LRP1B: variants seen among roughly 807,000 people sequenced by gnomAD.
LRP1B encodes the protein LDL receptor related protein 1B.
A neutral mutation model predicts 556.6 loss-of-function variants in LRP1B; 217 were observed. The observed-to-expected ratio is 0.39, with a 90% CI of 0.35 to 0.44. LRP1B has a LOEUF of 0.44. LRP1B is among the 20% of genes least tolerant of loss of function. The probability of loss-of-function intolerance (pLI) is 1.00; values close to 1 mark genes in which losing one functional copy is unlikely to be tolerated. For synonymous variants in LRP1B, 2,047 were observed against 1,865.8 expected (o/e 1.10, Z -2.50); for missense variants, 5,053 against 5,620.8 (o/e 0.90, Z 3.23).
At chr2:141,296,103 GT>G (rs1558988327) in intron 3 of LRP1B, among the ~76,000 whole-genome samples, 2 of 152,068 alleles carry the variant, frequency 1.3e-5, no homozygotes, top group Non-Finnish European at 2.9e-5. Flanking sequence ...AAGGAGCAAA[GT>G]CTGGCCTTTA....
intron 2 of LRP1B, among the ~76,000 whole-genome samples, chr2:141,547,614 C>G (rs927744632): frequency 6.6e-6 from 1 of 152,098 alleles, no homozygotes; most frequent in African/African-American, 2.4e-5. Context: ...AACTACTGAG[C>G]ATTTTTCAAG....
chr2:141,596,030 A>C (rs1305429156), intron 2 of LRP1B, among the ~76,000 whole-genome samples: 1 of 152,038 alleles, frequency 6.6e-6, no homozygotes, highest in East Asian at 1.9e-4. Context: ...TACATATACC[A>C]TTATAAAATT....
intron 43 of LRP1B, among the ~76,000 whole-genome samples, chr2:140,593,456 A>T (rs1478177259): frequency 3.9e-5 from 6 of 152,210 alleles, no homozygotes; most frequent in African/African-American, 1.4e-4. Context: ...TAGATACAAA[A>T]CAGAAAAAAT....
intron 2 of LRP1B, among the ~76,000 whole-genome samples, chr2:141,564,199 C>A (rs897760332): frequency 2.6e-5 from 4 of 151,944 alleles, no homozygotes; most frequent in African/African-American, 7.2e-5. Flanking sequence ...ATAATCAGAA[C>A]CTTTAAATGT....
chr2:141,527,656 G>A (rs1181437412), intron 2 of LRP1B, among the ~76,000 whole-genome samples: 1 of 152,048 alleles, frequency 6.6e-6, no homozygotes, highest in Non-Finnish European at 1.5e-5. Context: ...AATGAATGGT[G>A]TGTTTTTACT....
intron 7 of LRP1B, among the ~76,000 whole-genome samples, chr2:141,154,687 C>T (rs1190885601): frequency 2.6e-5 from 4 of 151,746 alleles, no homozygotes. Flanking sequence ...TTCAACACTC[C>T]ATTATTATCT....
intron 39 of LRP1B, 94 bp downstream of exon 39, chr2:140,702,047 G>T (rs2105427524): frequency 1.4e-6 from 2 of 1,448,984 alleles, no homozygotes; most frequent in Non-Finnish European, 1.9e-6. Context: ...TCCTTTTTGT[G>T]ACCTTGCTAA....
At chr2:140,848,558 C>T (rs768719338) in intron 29 of LRP1B, among the ~76,000 whole-genome samples, 2 of 152,182 alleles carry the variant, frequency 1.3e-5, no homozygotes, top group Non-Finnish European at 2.9e-5. Context: ...CTATTGCCTT[C>T]ATTATGACAT....
intron 2 of LRP1B, among the ~76,000 whole-genome samples, chr2:141,628,630 T>A (rs902917432): frequency 3.3e-5 from 5 of 152,032 alleles, no homozygotes; most frequent in African/African-American, 1.2e-4. Context: ...GAAGCTATAA[T>A]AAGTTTCTGT....
intron 7 of LRP1B, among the ~76,000 whole-genome samples, chr2:141,087,546 T>G (rs2104901118): frequency 6.6e-6 from 1 of 152,260 alleles, no homozygotes; most frequent in East Asian, 1.9e-4. Context: ...CAATGTACAA[T>G]AAGCAAAAGC....
At chr2:141,383,288 G>T (rs59480668) in intron 3 of LRP1B, among the ~76,000 whole-genome samples, 1 of 151,928 alleles carries the variant, frequency 6.6e-6, no homozygotes, top group African/African-American at 2.4e-5. Context: ...AACTATAATG[G>T]AAAACAGTAT....
chr2:141,850,896 T>A (rs1322464955), intron 1 of LRP1B, among the ~76,000 whole-genome samples: 2 of 151,720 alleles, frequency 1.3e-5, no homozygotes, highest in African/African-American at 2.4e-5. Context: ...CTACAGATGC[T>A]GACATTAAAC....
rs115985491 is a variant in LRP1B, at chr2:141,481,073, T to C, written c.206-540A>G. On this transcript the variant is annotated intron_variant, in intron 2 of 90. Transcript: ENST00000389484. ...TATAAATGTATTTATGTATGACTTC[T>C]ATTGTTTAAAAATCTTTTACTGAGC... 4.7e-4 allele frequency among the ~76,000 whole-genome samples: 71 copies of C among 152,318 alleles called. 1 individual carries two copies. The highest frequency in any genetic ancestry group is 1.6e-3 in the African/African-American group (66 of 41,590).
At chr2:142,058,044 T>A (rs546487866) in intron 1 of LRP1B, among the ~76,000 whole-genome samples, 2 of 152,250 alleles carry the variant, frequency 1.3e-5, no homozygotes, top group Admixed American at 1.3e-4. Flanking sequence ...ACACAAGGTG[T>A]CTCACATGCA....
chr2:141,999,764 GA>G (rs915035081), intron 1 of LRP1B, among the ~76,000 whole-genome samples: 1 of 151,712 alleles, frequency 6.6e-6, no homozygotes, highest in Non-Finnish European at 1.5e-5. Context: ...GAAATCATAT[GA>G]AAACCAATTC....
At chr2:140,787,558 ATTTTTTTTTT>A (rs756825067) in intron 32 of LRP1B, among the ~76,000 whole-genome samples, 238 of 44,678 alleles carry the variant, frequency 5.3e-3, no homozygotes, top group African/African-American at 0.014. Flanking sequence ...AAAACAGAAG[ATTTTTTTTTT>A]TTTTTTTTTT....
At chr2:141,160,106 A>T (rs1437989943) in intron 7 of LRP1B, among the ~76,000 whole-genome samples, 1 of 151,280 alleles carries the variant, frequency 6.6e-6, no homozygotes, top group Admixed American at 6.6e-5. Context: ...CCCATTTCTT[A>T]TTTTTTTTTA....
At chr2:141,511,004 A>C (rs986902391) in intron 2 of LRP1B, among the ~76,000 whole-genome samples, 17 of 151,996 alleles carry the variant, frequency 1.1e-4, no homozygotes, top group African/African-American at 3.4e-4. Flanking sequence ...TTAGACCCTC[A>C]GTTAATGATT....
intron 66 of LRP1B, among the ~76,000 whole-genome samples, chr2:140,419,009 A>C (rs1685319697): frequency 6.8e-6 from 1 of 146,246 alleles, no homozygotes; most frequent in African/African-American, 2.5e-5. Context: ...CTATGGACTA[A>C]ATAAATATAA....
Sources: gnomAD v4.1 joint callset for allele counts (sites outside exome capture counted in the v4.1 genomes callset) on GRCh38, gnomAD v4.1.1 for gene constraint, MANE v1.5 for transcripts, NCBI Gene and HGNC (gene_info 2026-07-23, HGNC 2026-07-21) for gene names.